Variants in CNTN5 observed in about 807,000 individuals in gnomAD.
The protein encoded by CNTN5 is contactin 5, also known as contactin-5.
Under a neutral mutation model 129.1 loss-of-function variants are expected in CNTN5, and 77 were observed. That is an observed-to-expected ratio of 0.60 (90% CI 0.50 to 0.72). The LOEUF (loss-of-function observed/expected upper bound fraction) is 0.72. Ranked by LOEUF, CNTN5 falls within the 30% of genes least tolerant of loss-of-function variation. The pLI, the probability that CNTN5 is intolerant of heterozygous loss-of-function variation, is 0.00. For missense variants in CNTN5, 1,478 were observed against 1,328.8 expected (o/e 1.11, Z -1.75); for synonymous variants, 509 against 465.6 (o/e 1.09, Z -1.20).
At chr11:99,237,983 T>C (rs1861365254) in intron 1 of CNTN5, among the ~76,000 whole-genome samples, 1 of 152,182 alleles carries the variant, frequency 6.6e-6, no homozygotes, top group Non-Finnish European at 1.5e-5. Context: ...TGCTATGCTA[T>C]ATAACAGAGC....
At chr11:99,861,122 AT>A (rs551988075) in intron 6 of CNTN5, among the ~76,000 whole-genome samples, 8 of 151,212 alleles carry the variant, frequency 5.3e-5, no homozygotes, top group African/African-American at 1.9e-4. Flanking sequence ...AGCCTGGCTA[AT>A]TTTTTTTGCA....
In CNTN5 at chr11:99,038,798, C is replaced by T. The variant is rs142493914; in HGVS notation, c.-210+17528C>T. ...TAGTACATATATAGTATATATAATA[C>T]ATCTTTCATTATAAAATGTAAGATG... On this transcript the variant is annotated intron_variant, in intron 1 of 24. Coordinates refer to ENST00000524871, the MANE Select transcript of CNTN5 (RefSeq NM_014361.4). 1.0e-3 allele frequency among the ~76,000 whole-genome samples: 159 copies of T among 151,736 alleles called. 5 individuals are homozygous for T. In the East Asian group the frequency reaches 0.029, roughly 28 times the overall value.
At chr11:99,841,259 A>G (rs553142813) in intron 4 of CNTN5, among the ~76,000 whole-genome samples, 1 of 152,154 alleles carries the variant, frequency 6.6e-6, no homozygotes, top group African/African-American at 2.4e-5. Flanking sequence ...ATAATAAAAT[A>G]TATGTTCAGA....
At chr11:100,033,623 A>C (rs1299887113) in intron 9 of CNTN5, among the ~76,000 whole-genome samples, 1 of 152,148 alleles carries the variant, frequency 6.6e-6, no homozygotes, top group Non-Finnish European at 1.5e-5. Context: ...CTTTTATTAC[A>C]TTCACTCTTT....
At chr11:99,337,534 C>A (rs1233389382) in intron 2 of CNTN5, among the ~76,000 whole-genome samples, 2 of 152,202 alleles carry the variant, frequency 1.3e-5, no homozygotes, top group East Asian at 1.9e-4. Context: ...CGTTTGTTTG[C>A]GGCTTAAGAA....
intron 3 of CNTN5, among the ~76,000 whole-genome samples, chr11:99,658,302 CA>C (rs554959400): frequency 4.2e-4 from 64 of 152,134 alleles, no homozygotes; most frequent in African/African-American, 1.4e-3. Flanking sequence ...ATTGATAATA[CA>C]AAATGAAATC....
At chr11:100,061,605 T>C (rs973531215) in intron 10 of CNTN5, among the ~76,000 whole-genome samples, 43 of 152,228 alleles carry the variant, frequency 2.8e-4, no homozygotes, top group African/African-American at 1.0e-3. Flanking sequence ...TCGGTGTCTT[T>C]GTACAGCATA....
chr11:100,067,320 G>C (rs1291469165), intron 10 of CNTN5, among the ~76,000 whole-genome samples: 1 of 152,014 alleles, frequency 6.6e-6, no homozygotes, highest in Non-Finnish European at 1.5e-5. Flanking sequence ...GCATGTTTGT[G>C]TGTGTATGTT....
At chr11:99,756,432 C>A (rs563485918) in intron 3 of CNTN5, among the ~76,000 whole-genome samples, 1 of 152,036 alleles carries the variant, frequency 6.6e-6, no homozygotes, top group South Asian at 2.1e-4. Context: ...TATTTTCCTG[C>A]CAATATAAAT....
At chr11:99,871,765 C>T (rs1452230343) in intron 6 of CNTN5, among the ~76,000 whole-genome samples, 1 of 151,862 alleles carries the variant, frequency 6.6e-6, no homozygotes, top group Non-Finnish European at 1.5e-5. Flanking sequence ...ATTTTGTCAC[C>T]AAGAAGTCTA....
chr11:99,639,629 A>G (rs1951695868), intron 3 of CNTN5, among the ~76,000 whole-genome samples: 1 of 131,060 alleles, frequency 7.6e-6, no homozygotes, highest in Non-Finnish European at 1.5e-5. Flanking sequence ...CAATGGTGCA[A>G]TCTCGGCTCA....
intron 2 of CNTN5, among the ~76,000 whole-genome samples, chr11:99,441,308 T>C (rs1026600704): frequency 6.6e-6 from 1 of 152,174 alleles, no homozygotes; most frequent in African/African-American, 2.4e-5. Context: ...CATATGGGAT[T>C]CCCTTTTGTA....
chr11:99,480,632 C>T (rs1191601965), intron 2 of CNTN5, among the ~76,000 whole-genome samples: 2 of 152,168 alleles, frequency 1.3e-5, no homozygotes, highest in African/African-American at 4.8e-5. Flanking sequence ...GCTTTACAAC[C>T]TGTTTCCTAA....
chr11:99,287,666 T>A (rs1280366432), intron 1 of CNTN5, among the ~76,000 whole-genome samples: 3 of 152,070 alleles, frequency 2.0e-5, no homozygotes, highest in Non-Finnish European at 4.4e-5. Flanking sequence ...TCATAGTGAA[T>A]AGATAATATT....
At chr11:99,410,150 ATAG>A (rs1351240022) in intron 2 of CNTN5, among the ~76,000 whole-genome samples, 14 of 152,236 alleles carry the variant, frequency 9.2e-5, no homozygotes, top group Admixed American at 9.2e-4. Flanking sequence ...AAGAGTACAA[ATAG>A]TGGTGAATTA....
intron 2 of CNTN5, among the ~76,000 whole-genome samples, chr11:99,487,208 G>T (rs1374707496): frequency 1.3e-5 from 2 of 152,200 alleles, no homozygotes; most frequent in Non-Finnish European, 2.9e-5. Context: ...CACGTTTTAA[G>T]GTGAAGTGAC....
At chr11:100,343,497 C>A (rs1195793894) in intron 23 of CNTN5, among the ~76,000 whole-genome samples, 1 of 152,092 alleles carries the variant, frequency 6.6e-6, no homozygotes, top group Non-Finnish European at 1.5e-5. Flanking sequence ...CTGGACTGGG[C>A]TTAACCCAGA....
chr11:100,046,011 G>T (rs1942651133), intron 9 of CNTN5, among the ~76,000 whole-genome samples: 1 of 151,760 alleles, frequency 6.6e-6, no homozygotes, highest in Non-Finnish European at 1.5e-5. Context: ...CAATGTGCAG[G>T]TTAGTTACAT....
At chr11:100,163,687 T>C (rs1217130420) in intron 13 of CNTN5, among the ~76,000 whole-genome samples, 1 of 151,822 alleles carries the variant, frequency 6.6e-6, no homozygotes, top group Non-Finnish European at 1.5e-5. Context: ...CTCAACTTAA[T>C]GTGCTTACCT....
Sources: gnomAD v4.1 joint callset for allele counts (sites outside exome capture counted in the v4.1 genomes callset) on GRCh38, gnomAD v4.1.1 for gene constraint, MANE v1.5 for transcripts, NCBI Gene and HGNC (gene_info 2026-07-23, HGNC 2026-07-21) for gene names.